The following PSTPIP1 variants were observed in gnomAD, a reference collection of about 807,000 sequenced individuals.
PSTPIP1 encodes the protein proline-serine-threonine phosphatase interacting protein 1, also known as proline-serine-threonine phosphatase-interacting protein 1.
PSTPIP1 carries 66 observed loss-of-function variants against 69.6 expected under a neutral mutation model. That is an observed-to-expected ratio of 0.95 (90% CI 0.78 to 1.16). PSTPIP1 has a LOEUF of 1.16. Ranked by LOEUF, PSTPIP1 falls within the 50% of genes most tolerant of loss-of-function variation. PSTPIP1 has a pLI of 0.00. For missense variants in PSTPIP1, 603 were observed against 557.4 expected (o/e 1.08, Z -0.82); for synonymous variants, 266 against 222.7 (o/e 1.19, Z -1.73).
intron 12 of PSTPIP1, 41 bp from the exon 13 acceptor site, chr15:77,035,467 G>T: frequency 6.4e-7 from 1 of 1,556,982 alleles, no homozygotes; most frequent in Non-Finnish European, 8.7e-7. Context: ...GTCCCTGAGT[G>T]TGGGGCGGGG....
chr15:77,007,259 G>T (rs921502907), intron 1 of PSTPIP1, among the ~76,000 whole-genome samples: 8 of 152,288 alleles, frequency 5.3e-5, no homozygotes, highest in Admixed American at 1.3e-4. Flanking sequence ...AGTGGATCAA[G>T]ATAAGACCCT....
Position 77,029,582 on chromosome 15 carries a change from G to T in PSTPIP1, c.562+8G>T. 1 of 1,573,580 alleles carries T rather than the reference G, an allele frequency of 6.4e-7. No homozygotes were observed. Among genetic ancestry groups the T allele is most frequent in the African/African-American group, 1.4e-5 (1 of 73,974 alleles). On this transcript the variant is annotated splice_region_variant and intron_variant, in intron 8 of 14. Transcript: ENST00000558012. Reference sequence around the variant, plus strand: ...ACTCGGCCACCGAGGCAGGTATGTGGGCCTGGCTGCCCCGTCCGACCAGGG... The same window carrying T: ...ACTCGGCCACCGAGGCAGGTATGTGTGCCTGGCTGCCCCGTCCGACCAGGG...
At position 77,017,171 on chromosome 15, in the gene PSTPIP1, C is replaced by G. The variant is rs1050385241; in HGVS notation, c.37-977C>G. Among the ~76,000 whole-genome samples the G allele has an allele frequency of 3.9e-5, 6 of 152,194 alleles. 1 individual carries two copies. The highest frequency in any genetic ancestry group is 1.4e-4 in the African/African-American group (6 of 41,526). On this transcript the variant is annotated intron_variant, in intron 1 of 14. Coordinates refer to ENST00000558012, the MANE Select transcript of PSTPIP1 (RefSeq NM_003978.5). Reference sequence around the variant, plus strand: ...CCTGGGAGAGCTCAGGGGGTTGTGGCGGGGATCCTGGCCCCGGGACCCACT... The same window carrying G: ...CCTGGGAGAGCTCAGGGGGTTGTGGGGGGGATCCTGGCCCCGGGACCCACT...
Position 77,032,866 on chromosome 15 carries a change from G to T in PSTPIP1, c.843G>T (p.Pro281=). 1 of 1,581,898 alleles carries T rather than the reference G, an allele frequency of 6.3e-7. No homozygotes were observed. Among genetic ancestry groups the T allele is most frequent in the Non-Finnish European group, 8.6e-7 (1 of 1,164,486 alleles). ...AKSTGTEPPA[P]VPYQNYYDRE... ...CTCACGGCTTGCTGTCTGCAGCTCC[G>T]GTGCCCTACCAGAACTATTACGATC... is the stretch of plus-strand genomic sequence containing the variant. The change falls in exon 12 of 15, where the codon CCG becomes CCT. Residue 281 remains proline, a synonymous_variant. Transcript: ENST00000558012.
chr15:77,033,818 A>AG (rs1044860691), intron 12 of PSTPIP1, among the ~76,000 whole-genome samples: 38 of 86,498 alleles, frequency 4.4e-4, no homozygotes, highest in Admixed American at 3.6e-3. Flanking sequence ...GTGCTTAGAG[A>AG]GGGCACACAC....
chr15:77,035,880 G>A lies in PSTPIP1; in HGVS notation c.1064G>A (p.Gly355Glu). The change falls in exon 14 of 15, where the codon GGA becomes GAA. Residue 355 changes from glycine (G) to glutamate (E), a missense_variant. Physicochemically the swap from Gly to Glu is moderately conservative, Grantham distance 98. Transcript: ENST00000558012. The part of the protein sequence containing the change: ...YTAIAVQEIQ[G>E]NPASPAQEYR... Reference sequence around the variant, plus strand: ...GCCATCGCAGTGCAGGAGATACAGGGAAACCCGGCCTCACCAGCCCAGGAG... The same window carrying A: ...GCCATCGCAGTGCAGGAGATACAGGAAAACCCGGCCTCACCAGCCCAGGAG... 5 of 1,610,480 alleles carry A rather than the reference G, an allele frequency of 3.1e-6. No homozygotes were observed. Among genetic ancestry groups the A allele is most frequent in the Non-Finnish European group, 4.2e-6 (5 of 1,179,542 alleles).
chr15:77,008,057 A>G (rs773398515), intron 1 of PSTPIP1: 1 of 456,502 alleles, frequency 2.2e-6, no homozygotes, highest in South Asian at 1.5e-5. Context: ...ACAGCTGAGG[A>G]TGGTTCAGGC....
chr15:77,025,000 C>A (rs1284550347), intron 3 of PSTPIP1, among the ~76,000 whole-genome samples: 1 of 152,168 alleles, frequency 6.6e-6, no homozygotes, highest in Non-Finnish European at 1.5e-5. Context: ...TCTAAGAATG[C>A]AGCTAGGAGC....
chr15:77,033,916 G>A (rs1240129507), intron 12 of PSTPIP1, among the ~76,000 whole-genome samples: 1 of 152,182 alleles, frequency 6.6e-6, no homozygotes, highest in Non-Finnish European at 1.5e-5. Context: ...TGTGAGACAG[G>A]CTTCCCTGTG....
At chr15:77,019,815 A>G (rs1373288914) in intron 3 of PSTPIP1, among the ~76,000 whole-genome samples, 1 of 152,230 alleles carries the variant, frequency 6.6e-6, no homozygotes, top group African/African-American at 2.4e-5. Flanking sequence ...GGACGTATGC[A>G]GGGAGGTGTT....
chr15:77,035,904 A>T lies in PSTPIP1; in HGVS notation c.1088A>T (p.Glu363Val). Reference sequence around the variant, plus strand: ...GGAAACCCGGCCTCACCAGCCCAGGAGTACCGGGCGCTCTACGATTATACA... The same window carrying T: ...GGAAACCCGGCCTCACCAGCCCAGGTGTACCGGGCGCTCTACGATTATACA... ...IQGNPASPAQ[E>V]YRALYDYTAQ... The change falls in exon 14 of 15, where the codon GAG (glutamate) becomes GTG (valine). Residue 363 changes from glutamate to valine, a missense_variant. Physicochemically the swap from Glu to Val is moderately radical, Grantham distance 121 (BLOSUM62 -2). Transcript: ENST00000558012. The T allele has an allele frequency of 6.2e-7, 1 of 1,609,158 alleles. No individual in the cohort carries two copies. The highest frequency in any genetic ancestry group is 8.5e-7 in the Non-Finnish European group (1 of 1,179,090).
At chr15:77,030,632 G>A (rs1029952708) in intron 9 of PSTPIP1, 51 bp downstream of exon 9, 4 of 1,524,776 alleles carry the variant, frequency 2.6e-6, no homozygotes, top group Non-Finnish European at 3.6e-6. Flanking sequence ...AGTGTGAGAC[G>A]CCCATCCCTA....
rs559133968 is a variant in PSTPIP1 at position 77,034,209 on chromosome 15, C to T, written c.929+1257C>T. On this transcript the variant is annotated intron_variant, in intron 12 of 14. Transcript: ENST00000558012. ...TCTGGGGAAAAGAGGTGTGGGGGCACGCAGCACAATGGCTCAGCAAGCCCT... is the reference window on the plus strand; with the variant it reads ...TCTGGGGAAAAGAGGTGTGGGGGCATGCAGCACAATGGCTCAGCAAGCCCT... Among the ~76,000 whole-genome samples the T allele has an allele frequency of 6.0e-3, 917 of 151,744 alleles. 6 individuals carry two copies. The highest frequency in any genetic ancestry group is 0.021 in the African/African-American group (879 of 41,238).
chr15:76,999,388 C>A (rs559452754), intron 1 of PSTPIP1: 1 of 152,018 alleles, frequency 6.6e-6, no homozygotes, highest in East Asian at 1.9e-4. Flanking sequence ...AGGTGATTCT[C>A]CTGTCTCAGC....
chr15:77,028,270 T>C (rs2076332943), intron 6 of PSTPIP1: 2 of 494,702 alleles, frequency 4.0e-6, no homozygotes, highest in Non-Finnish European at 7.3e-6. Context: ...GCGAGGGGCG[T>C]GGCGAGGGGC....
chr15:77,001,035 C>A (rs1463448363), intron 1 of PSTPIP1, among the ~76,000 whole-genome samples: 1 of 152,182 alleles, frequency 6.6e-6, no homozygotes, highest in Non-Finnish European at 1.5e-5. Flanking sequence ...ATGGGTTCCT[C>A]ATTTTCAGCA....
chr15:77,017,856 A>G lies in PSTPIP1; in HGVS notation c.37-292A>G, dbSNP rs372481689. Among the ~76,000 whole-genome samples, 193 of 152,308 alleles carry G rather than the reference A, an allele frequency of 1.3e-3. 1 individual carries two copies. The highest frequency in any genetic ancestry group is 4.3e-3 in the African/African-American group (178 of 41,570). On this transcript the variant is annotated intron_variant, in intron 1 of 14. Transcript: ENST00000558012. ...TTAAGGGTGGCTCTTCCCATCTGCT[A>G]TCTCATGCTGATGTGTGTCCTGTCC...
chr15:77,030,968 C>T (rs547034292), intron 9 of PSTPIP1, among the ~76,000 whole-genome samples: 2 of 152,208 alleles, frequency 1.3e-5, no homozygotes, highest in African/African-American at 2.4e-5. Context: ...GAGGCTGGGG[C>T]AGGGACCCCC....
At chr15:77,007,561 A>G (rs776622175) in intron 1 of PSTPIP1, among the ~76,000 whole-genome samples, 3 of 151,536 alleles carry the variant, frequency 2.0e-5, no homozygotes, top group Non-Finnish European at 4.4e-5. Flanking sequence ...GTGAGCTGTA[A>G]TCATGCCACT....
Sources: allele counts gnomAD v4.1 joint callset (sites outside exome capture counted in the v4.1 genomes callset), GRCh38; gene constraint gnomAD v4.1.1; transcripts MANE v1.5; gene names NCBI Gene and HGNC (gene_info 2026-07-23, HGNC 2026-07-21).